Variants in NELFCD observed in about 807,000 individuals in gnomAD.
NELFCD encodes negative elongation factor C/D.
Under a neutral mutation model 72.9 loss-of-function variants are expected in NELFCD, and 48 were observed. The observed-to-expected ratio is 0.66, with a 90% CI of 0.52 to 0.84. The LOEUF (loss-of-function observed/expected upper bound fraction) is 0.84, where lower values mean the gene tolerates loss of function less well. NELFCD is among the 40% of genes least tolerant of loss of function. The pLI, the probability that NELFCD is intolerant of heterozygous loss-of-function variation, is 0.00. For missense variants in NELFCD, 538 were observed against 723.8 expected (o/e 0.74, Z 2.94); for synonymous variants, 297 against 280.6 (o/e 1.06, Z -0.59).
chr20:58,988,127 T>TC (rs1475935234), intron 4 of NELFCD, among the ~76,000 whole-genome samples: 2 of 152,146 alleles, frequency 1.3e-5, no homozygotes, highest in African/African-American at 2.4e-5. Context: ...GTTTGGTTCC[T>TC]CCAAGAAGCA....
At chr20:58,985,479 G>A (rs2091765066) in intron 1 of NELFCD, among the ~76,000 whole-genome samples, 1 of 152,210 alleles carries the variant, frequency 6.6e-6, no homozygotes, top group African/African-American at 2.4e-5. Flanking sequence ...ATTAGCAGGT[G>A]AAGAAGCCTG....
chr20:58,983,304 T>G (rs2091749952), intron 1 of NELFCD, among the ~76,000 whole-genome samples: 1 of 151,910 alleles, frequency 6.6e-6, no homozygotes, highest in Non-Finnish European at 1.5e-5. Context: ...GTCCGGCTAA[T>G]TTTTGTATTT....
rs143044496 is a variant in NELFCD at position 58,991,378 on chromosome 20, C to A, written c.1021C>A (p.Gln341Lys). Residue 341 changes from glutamine (Q) to lysine (K), a missense_variant, in exon 9 of 15, where the codon CAG (glutamine) becomes AAG (lysine). Physicochemically the swap from Gln to Lys is moderately conservative, Grantham distance 53. This residue lies in a region of NELFCD where 355 missense variants were observed against 534.5 expected (regional missense o/e 0.66). Coordinates refer to ENST00000652272, the MANE Select transcript of NELFCD (RefSeq NM_198976.4). ...SLFKPGARIN[Q>K]DHKHKYIHIL... ...CTTTAAACCAGGGGCTCGGATCAAC[C>A]AGGACCACAAGCACAAATACATCCA... The A allele has an allele frequency of 3.6e-5, 58 of 1,614,210 alleles. 1 individual carries two copies. The South Asian group carries it at 3.8e-4, about 11-fold the overall frequency.
At chr20:58,987,140 T>G (rs1394750084) in intron 3 of NELFCD, 2 of 410,444 alleles carry the variant, frequency 4.9e-6, no homozygotes, top group Non-Finnish European at 8.7e-6. Flanking sequence ...AATTATAGGA[T>G]TATACAGTGT....
At position 58,993,107 on chromosome 20, in the gene NELFCD, G is replaced by C; in HGVS notation, c.1339G>C (p.Asp447His). 1 of 1,612,768 alleles carries C rather than the reference G, an allele frequency of 6.2e-7. No individual in the cohort carries two copies. The highest frequency in any genetic ancestry group is 8.5e-7 in the Non-Finnish European group (1 of 1,178,810). Reference sequence around the variant, plus strand: ...TACCCCTGTCCACCTGGCGTTGCTGGATGAGGTAAGAGGGCGGAGAGCTGT... The same window carrying C: ...TACCCCTGTCCACCTGGCGTTGCTGCATGAGGTAAGAGGGCGGAGAGCTGT... ...DHTPVHLALL[D>H]EISTCHQLLH... The change falls in exon 11 of 15, where the codon GAT (aspartate) becomes CAT (histidine). Residue 447 changes from aspartate to histidine, a missense_variant. By Grantham distance (81) the Asp-to-His change is moderately conservative (BLOSUM62 -1). Coordinates refer to ENST00000652272, the MANE Select transcript of NELFCD (RefSeq NM_198976.4). This position sits in a 1 kb window ranked among gnomAD's most constrained non-coding sequence, Gnocchi z 5.0.
At chr20:58,982,594 C>T (rs146128566) in intron 1 of NELFCD, among the ~76,000 whole-genome samples, 2 of 152,328 alleles carry the variant, frequency 1.3e-5, no homozygotes, top group African/African-American at 4.8e-5. Context: ...GCTTCGGAGC[C>T]ATGGTCTAAA....
At chr20:58,992,432 A>G (rs2146355439) in intron 10 of NELFCD, among the ~76,000 whole-genome samples, 1 of 152,352 alleles carries the variant, frequency 6.6e-6, no homozygotes, top group Middle Eastern at 3.4e-3. Flanking sequence ...GGATGAAGAA[A>G]GAGTTTGCTA....
At chr20:58,985,400 G>A (rs1200650940) in intron 1 of NELFCD, among the ~76,000 whole-genome samples, 1 of 152,218 alleles carries the variant, frequency 6.6e-6, no homozygotes, top group East Asian at 1.9e-4. Flanking sequence ...AAAAGCATCT[G>A]CTTGTTAGTT....
intron 4 of NELFCD, 91 bp from the exon 5 acceptor site, chr20:58,988,823 C>G: frequency 1.1e-6 from 1 of 942,084 alleles, no homozygotes; most frequent in Non-Finnish European, 1.7e-6. Flanking sequence ...TCCATCAGCA[C>G]CAATCTCCTG....
At chr20:58,994,018 A>G (rs1412536920) in intron 13 of NELFCD, 92 bp from the exon 14 acceptor site, 7 of 1,498,300 alleles carry the variant, frequency 4.7e-6, no homozygotes, top group South Asian at 2.4e-5. Context: ...GTGGGGAGGG[A>G]TTTTTTCCAA....
intron 6 of NELFCD, 32 bp downstream of exon 6, chr20:58,989,672 A>G (rs1189125468): frequency 9.3e-6 from 15 of 1,613,910 alleles, no homozygotes; most frequent in Non-Finnish European, 1.2e-5. Context: ...CTCAGATTAG[A>G]AGGAGGCTGC....
intron 10 of NELFCD, among the ~76,000 whole-genome samples, chr20:58,992,536 G>C (rs2091824782): frequency 6.6e-6 from 1 of 152,222 alleles, no homozygotes; most frequent in East Asian, 1.9e-4. Flanking sequence ...AGTGAGCAGA[G>C]AATTGAACTC....
At position 58,991,527 on chromosome 20, in the gene NELFCD, C is replaced by T. The variant is rs183122958; in HGVS notation, c.1089+81C>T. 3,252 of 1,540,566 alleles carry T rather than the reference C, an allele frequency of 2.1e-3. 108 individuals are homozygous for T. In the Admixed American group the frequency reaches 0.053, roughly 25 times the overall value. ...CTTTGATATTATTTTGGAATTTTGG[C>T]TGCAAGAAATCTTGACCCTCCCTAG... On this transcript the variant is annotated intron_variant, in intron 9 of 14. Coordinates refer to ENST00000652272, the MANE Select transcript of NELFCD (RefSeq NM_198976.4).
chr20:58,988,354 C>T (rs78194738), intron 4 of NELFCD, among the ~76,000 whole-genome samples: 16,879 of 152,274 alleles, frequency 0.11, 1,047 homozygotes, highest in Middle Eastern at 0.18. Flanking sequence ...CACAGGTGCC[C>T]ATTCTGGGAG....
chr20:58,986,904 C>G lies in NELFCD; in HGVS notation c.286+41C>G. ...CCCCTGTCCTGGCTAGTTACCCCCA[C>G]TTTTTTAAAAATAGACTTTTGGGTC... On this transcript the variant is annotated intron_variant, in intron 3 of 14. Transcript: ENST00000652272. The surrounding 1 kb of genome is among the most constrained non-coding windows in gnomAD (Gnocchi z 4.4). 1 of 1,346,808 alleles carries G rather than the reference C, an allele frequency of 7.4e-7. No homozygotes were observed. Among genetic ancestry groups the G allele is most frequent in the Non-Finnish European group, 1.0e-6 (1 of 955,282 alleles). 83.4% of individuals were successfully genotyped at this position (1,346,808 alleles called of 1,614,324 possible). A position where few individuals can be genotyped will look rare whatever the true frequency, so the allele number is the denominator to read the frequency against.
In NELFCD at chr20:58,993,142, A is replaced by T; in HGVS notation, c.1344+30A>T. On this transcript the variant is annotated intron_variant, in intron 11 of 14. Transcript: ENST00000652272. The surrounding 1 kb of genome is among the most constrained non-coding windows in gnomAD (Gnocchi z 5.0). ...GAGGGCGGAGAGCTGTTCACAGCCT[A>T]CACAGTGTCTGTCTCATGCTGTTTA... 1 of 1,483,360 alleles carries T rather than the reference A, an allele frequency of 6.7e-7. No individual in the cohort carries two copies. The highest frequency in any genetic ancestry group is 9.4e-7 in the Non-Finnish European group (1 of 1,060,676). 91.9% of individuals were successfully genotyped at this position (1,483,360 alleles called of 1,614,324 possible). A position where few individuals can be genotyped will look rare whatever the true frequency, so the allele number is the denominator to read the frequency against.
Position 58,988,902 on chromosome 20 carries a change from G to C in NELFCD, c.397-12G>C. 1 of 1,603,638 alleles carries C rather than the reference G, an allele frequency of 6.2e-7. No homozygotes were observed. The highest frequency in any genetic ancestry group is 8.5e-7 in the Non-Finnish European group (1 of 1,170,508). On this transcript the variant is annotated splice_polypyrimidine_tract_variant and intron_variant, in intron 4 of 14. Transcript: ENST00000652272. ...CCTCCTCCTATCTTGCTGTTTGTGT[G>C]TGTGTTGGCAGACCCCAGCGTGGCT...
rs763231373 is a variant in NELFCD, at chr20:58,993,456, C to T, written c.1352C>T (p.Thr451Ile). The T allele has an allele frequency of 8.1e-6, 13 of 1,613,530 alleles. No individual in the cohort carries two copies. Among genetic ancestry groups the T allele is most frequent in the Non-Finnish European group, 1.0e-5 (12 of 1,180,018 alleles). ...VHLALLDEIS[T>I]CHQLLHPQVL... ...CCTCTGGCCTGTTTGTAGATCAGCACCTGCCACCAGCTCCTGCACCCCCAG... is the reference window on the plus strand; with the variant it reads ...CCTCTGGCCTGTTTGTAGATCAGCATCTGCCACCAGCTCCTGCACCCCCAG... Residue 451 changes from threonine to isoleucine, a missense_variant, in exon 12 of 15, where the codon ACC becomes ATC. Physicochemically the swap from Thr to Ile is moderately conservative, Grantham distance 89. This residue lies in a region of NELFCD where 355 missense variants were observed against 534.5 expected (regional missense o/e 0.66). Coordinates refer to ENST00000652272, the MANE Select transcript of NELFCD (RefSeq NM_198976.4). The surrounding 1 kb of genome is among the most constrained non-coding windows in gnomAD (Gnocchi z 5.0).
chr20:58,986,662 T>C lies in NELFCD; in HGVS notation c.177-92T>C. ...CCAGCCCCCTCCGCTGCTTTAAAAA[T>C]TTTGAAACCTGATTCTCTTCCTCCT... On this transcript the variant is annotated intron_variant, in intron 2 of 14. Transcript: ENST00000652272. The surrounding 1 kb of genome is among the most constrained non-coding windows in gnomAD (Gnocchi z 4.4). 1 of 941,492 alleles carries C rather than the reference T, an allele frequency of 1.1e-6. No individual in the cohort carries two copies. Among genetic ancestry groups the C allele is most frequent in the Non-Finnish European group, 1.8e-6 (1 of 568,580 alleles). 58.3% of individuals were successfully genotyped at this position (941,492 alleles called of 1,614,324 possible).
Sources: allele counts gnomAD v4.1 joint callset (sites outside exome capture counted in the v4.1 genomes callset), GRCh38; gene constraint gnomAD v4.1.1; regional missense constraint gnomAD v4.1.1; non-coding constraint Gnocchi (gnomAD v3.1); transcripts MANE v1.5; gene names NCBI Gene and HGNC (gene_info 2026-07-23, HGNC 2026-07-21).